RCOR1: variants seen among roughly 807,000 people sequenced by gnomAD.
RCOR1 encodes the protein REST corepressor.
A neutral mutation model predicts 64.0 loss-of-function variants in RCOR1; 12 were observed. The ratio of observed to expected loss-of-function variants is 0.19; its 90% CI spans 0.12 to 0.30. The LOEUF (loss-of-function observed/expected upper bound fraction) is 0.30, where lower values mean the gene tolerates loss of function less well. Ranked by LOEUF, RCOR1 falls within the 10% of genes least tolerant of loss-of-function variation. The pLI is 1.00. For synonymous variants in RCOR1, 279 were observed against 227.2 expected (o/e 1.23, Z -2.05); for missense variants, 502 against 621.2 (o/e 0.81, Z 2.04).
At position 102,603,946 on chromosome 14, in the gene RCOR1, CAT is replaced by C. The variant is rs147545860; in HGVS notation, c.361+10624_361+10625del. Among the ~76,000 whole-genome samples the C allele has an allele frequency of 1.3e-3, 203 of 152,150 alleles. No homozygotes were observed. The East Asian group carries it at 0.015, about 11-fold the overall frequency. Reference sequence around the variant, plus strand: ...TTGGATATTCTTTGTTAGAATTGCACATATGTTTTTTGTTTTTTCTTTAATAT... The same window carrying C: ...TTGGATATTCTTTGTTAGAATTGCACATGTTTTTTGTTTTTTCTTTAATAT... On this transcript the variant is annotated intron_variant, in intron 2 of 11. Coordinates refer to ENST00000262241, the MANE Select transcript of RCOR1 (RefSeq NM_015156.4).
chr14:102,662,512 G>A, intron 2 of RCOR1: 1 of 517,564 alleles, frequency 1.9e-6, no homozygotes, highest in Non-Finnish European at 3.8e-6. Context: ...TGTTTCTCCT[G>A]GGGGCGCTCT....
At chr14:102,673,212 T>C (rs1595223005) in intron 2 of RCOR1, among the ~76,000 whole-genome samples, 1 of 152,228 alleles carries the variant, frequency 6.6e-6, no homozygotes, top group African/African-American at 2.4e-5. Context: ...ATTTAAGTTA[T>C]GATATTATAC....
At chr14:102,672,961 C>CA (rs1302945058) in intron 2 of RCOR1, among the ~76,000 whole-genome samples, 1 of 152,176 alleles carries the variant, frequency 6.6e-6, no homozygotes, top group Non-Finnish European at 1.5e-5. Context: ...AATTTGAACA[C>CA]AGACATTGTA....
At chr14:102,599,139 CT>C (rs796391039) in intron 2 of RCOR1, among the ~76,000 whole-genome samples, 27 of 146,574 alleles carry the variant, frequency 1.8e-4, no homozygotes, top group Admixed American at 1.4e-4. Context: ...CTTTTTTTTC[CT>C]TTTTTTTTTG....
At chr14:102,653,715 C>CCTCCCTCTTGTCTCT (rs1349586958) in intron 2 of RCOR1, among the ~76,000 whole-genome samples, 1 of 151,670 alleles carries the variant, frequency 6.6e-6, no homozygotes, top group Non-Finnish European at 1.5e-5. Context: ...GTGTGTAGCA[C>CCTCCCTCTTGTCTCT]CTCCCTCTTG....
chr14:102,655,365 C>G, intron 2 of RCOR1: 1 of 985,270 alleles, frequency 1.0e-6, no homozygotes, highest in Non-Finnish European at 1.2e-6. Flanking sequence ...AGCTGAATGA[C>G]TCATGGGCAT....
chr14:102,594,388 A>G lies in RCOR1; in HGVS notation c.361+1063A>G, dbSNP rs115568190. 2.6e-3 allele frequency among the ~76,000 whole-genome samples: 397 copies of G among 152,328 alleles called. 2 individuals are homozygous for G. The highest frequency in any genetic ancestry group is 8.8e-3 in the African/African-American group (364 of 41,582). On this transcript the variant is annotated intron_variant, in intron 2 of 11. Coordinates refer to ENST00000262241, the MANE Select transcript of RCOR1 (RefSeq NM_015156.4). ...AAACGCATACATGTTTTTTCCTTGG[A>G]AACAAGACTGCAGAAAATTGCAATG...
intron 2 of RCOR1, among the ~76,000 whole-genome samples, chr14:102,644,702 T>C (rs1360497085): frequency 6.6e-6 from 1 of 152,180 alleles, no homozygotes; most frequent in Non-Finnish European, 1.5e-5. Flanking sequence ...TCCTCTGACT[T>C]AAAATGGCAG....
chr14:102,633,792 G>T (rs953795232), intron 2 of RCOR1, among the ~76,000 whole-genome samples: 2 of 151,746 alleles, frequency 1.3e-5, no homozygotes, highest in African/African-American at 4.8e-5. Flanking sequence ...ACCCACCTCA[G>T]CCTCCCCAAG....
At chr14:102,676,871 C>T (rs1229492334) in intron 2 of RCOR1, among the ~76,000 whole-genome samples, 1 of 112,490 alleles carries the variant, frequency 8.9e-6, no homozygotes, top group Non-Finnish European at 1.8e-5. Flanking sequence ...CCCCCCACCT[C>T]CCTCCTGGAC....
In RCOR1 at chr14:102,728,174, T is replaced by G. The variant is rs534671571; in HGVS notation, c.*1668T>G. 6.6e-6 allele frequency: 1 copy of G among 152,202 alleles called. No individual in the cohort carries two copies. Among genetic ancestry groups the G allele is most frequent in the African/African-American group, 2.4e-5 (1 of 41,370 alleles). 9.4% of individuals were successfully genotyped at this position (152,202 alleles called of 1,614,324 possible). On this transcript the variant is annotated 3_prime_UTR_variant, in exon 12 of 12. Transcript: ENST00000262241. ...ACCTAGGTTTTTTGGAATTGTAAAT[T>G]TTTTTTTAGTATAGTCTGGAGAGAA...
intron 3 of RCOR1, among the ~76,000 whole-genome samples, chr14:102,700,821 T>G (rs1402106955): frequency 6.6e-6 from 1 of 151,726 alleles, no homozygotes. Context: ...ACAGGACAAG[T>G]GTATTAGTCC....
intron 2 of RCOR1, among the ~76,000 whole-genome samples, chr14:102,644,203 C>T (rs963801077): frequency 6.6e-6 from 1 of 152,196 alleles, no homozygotes; most frequent in Non-Finnish European, 1.5e-5. Context: ...ACATTATGGC[C>T]TCTGACTGCT....
intron 2 of RCOR1, among the ~76,000 whole-genome samples, chr14:102,632,984 T>A (rs1323826791): frequency 1.3e-5 from 2 of 151,368 alleles, no homozygotes; most frequent in African/African-American, 4.9e-5. Flanking sequence ...ATTTTTAAAT[T>A]TTTTTTACAG....
chr14:102,623,843 T>C (rs1893925092), intron 2 of RCOR1, among the ~76,000 whole-genome samples: 1 of 151,078 alleles, frequency 6.6e-6, no homozygotes, highest in African/African-American at 2.4e-5. Context: ...GATCATGAAG[T>C]CAGGAGATCG....
intron 2 of RCOR1, among the ~76,000 whole-genome samples, chr14:102,603,941 T>A (rs900278446): frequency 6.6e-6 from 1 of 152,204 alleles, no homozygotes; most frequent in Non-Finnish European, 1.5e-5. Context: ...TTTGTTAGAA[T>A]TGCACATATG....
chr14:102,658,654 G>A (rs1894773118), intron 2 of RCOR1: 3 of 982,962 alleles, frequency 3.1e-6, no homozygotes, highest in South Asian at 9.4e-5. Flanking sequence ...CATCACCAAG[G>A]TGTGCTTGTC....
chr14:102,636,974 AAAAACAAAAC>A (rs373236695), intron 2 of RCOR1, among the ~76,000 whole-genome samples: 6 of 152,110 alleles, frequency 3.9e-5, no homozygotes, highest in Non-Finnish European at 5.9e-5. Flanking sequence ...TCTGTTTCAA[AAAAACAAAAC>A]AAAACAAAAC....
chr14:102,601,311 C>G (rs1237999541), intron 2 of RCOR1, among the ~76,000 whole-genome samples: 1 of 152,214 alleles, frequency 6.6e-6, no homozygotes, highest in Non-Finnish European at 1.5e-5. Context: ...CCGCACCCGA[C>G]CAAACACTGA....
Sources: allele counts gnomAD v4.1 joint callset (sites outside exome capture counted in the v4.1 genomes callset), GRCh38; gene constraint gnomAD v4.1.1; transcripts MANE v1.5; gene names NCBI Gene and HGNC (gene_info 2026-07-23, HGNC 2026-07-21).